SLC16A9: variants seen among roughly 807,000 people sequenced by gnomAD.
The protein encoded by SLC16A9 is monocarboxylate transporter 9.
In SLC16A9, 26 loss-of-function variants were observed where a neutral mutation model predicts 44.3. That is an observed-to-expected ratio of 0.59 (90% CI 0.43 to 0.81). The LOEUF is 0.81. SLC16A9 is among the 40% of genes least tolerant of loss of function. SLC16A9 has a pLI of 0.00. For synonymous variants in SLC16A9, 230 were observed against 225.1 expected, an observed-to-expected ratio of 1.02 and a Z score of -0.19; for missense variants, 559 against 595.8, an observed-to-expected ratio of 0.94 and a Z score of 0.64.
In SLC16A9 at chr10:59,681,755, TGTATATGATGTATATGTATATGTATATG is replaced by T. The variant is rs1840019587; in HGVS notation, c.196+2313_196+2340del. 1.8e-4 allele frequency among the ~76,000 whole-genome samples: 5 copies of T among 27,804 alleles called. 2 individuals are homozygous for T. The highest frequency in any genetic ancestry group is 5.0e-4 in the African/African-American group (5 of 9,982). The allele number at this position is 27,804 out of a possible 152,430, so 18.2% of individuals were successfully genotyped here. A position where few individuals can be genotyped will look rare whatever the true frequency, so the allele number is the denominator to read the frequency against. ...TATATGTATATGATGTATATGTATATGTATATGATGTATATGTATATGTATATGATGTATATGTATATGTATATGTATA... is the reference window on the plus strand; with the variant it reads ...TATATGTATATGATGTATATGTATATATGTATATGTATATGTATATGTATA... On this transcript the variant is annotated intron_variant, in intron 2 of 5. Transcript: ENST00000395348.
rs188544487 is a variant in SLC16A9, at chr10:59,705,083, C to T, written c.-37+4396G>A. 3.9e-5 allele frequency among the ~76,000 whole-genome samples: 6 copies of T among 152,182 alleles called. No individual in the cohort carries two copies. The East Asian group carries it at 9.6e-4, about 24-fold the overall frequency. On this transcript the variant is annotated intron_variant, in intron 1 of 5. Transcript: ENST00000395348. The stretch of plus-strand genomic sequence containing the variant: ...TTCACATCTTGTGCCATCACTGTTG[C>T]TAACATTTTTTTTCGTCCCACATCC...
At chr10:59,688,134 C>T (rs966775207) in intron 1 of SLC16A9, among the ~76,000 whole-genome samples, 1 of 152,192 alleles carries the variant, frequency 6.6e-6, no homozygotes, top group African/African-American at 2.4e-5. Flanking sequence ...GGTTTACTGT[C>T]AGGTGCAACA....
intron 2 of SLC16A9, among the ~76,000 whole-genome samples, 163 bp from the exon 3 acceptor site, chr10:59,673,076 T>A (rs983954070): frequency 1.3e-5 from 2 of 152,244 alleles, no homozygotes; most frequent in Non-Finnish European, 2.9e-5. Context: ...CATCTCATTT[T>A]AATCTTACTG....
chr10:59,653,405 G>A (rs929939384), intron 5 of SLC16A9, among the ~76,000 whole-genome samples: 7 of 66,530 alleles, frequency 1.1e-4, no homozygotes. Context: ...CAGCCTGGGC[G>A]ACAGTGCAAA....
intron 4 of SLC16A9, among the ~76,000 whole-genome samples, chr10:59,662,584 A>C (rs2132421274): frequency 7.5e-6 from 1 of 134,134 alleles, no homozygotes. Context: ...CAGTGAGCTG[A>C]GATTGCGCCA....
chr10:59,689,207 T>A (rs898268849), intron 1 of SLC16A9, among the ~76,000 whole-genome samples: 7 of 152,154 alleles, frequency 4.6e-5, no homozygotes, highest in African/African-American at 1.7e-4. Context: ...TACCATTGAG[T>A]GATTTCCTGT....
rs1839203939 is a variant in SLC16A9 at position 59,651,753 on chromosome 10, A to C, written c.*1019T>G. 8.2e-6 allele frequency: 1 copy of C among 121,644 alleles called. No individual in the cohort carries two copies. Among genetic ancestry groups the C allele is most frequent in the Non-Finnish European group, 1.8e-5 (1 of 57,122 alleles). 7.5% of individuals were successfully genotyped at this position (121,644 alleles called of 1,614,324 possible). ...ATTCCCATATCCCATGCAGACTTAG[A>C]GCATGCATAGCACACACACACACAC... On this transcript the variant is annotated 3_prime_UTR_variant, in exon 6 of 6. Coordinates refer to ENST00000395348, the MANE Select transcript of SLC16A9 (RefSeq NM_194298.3).
At chr10:59,689,116 A>G (rs547925681) in intron 1 of SLC16A9, among the ~76,000 whole-genome samples, 5 of 152,308 alleles carry the variant, frequency 3.3e-5, no homozygotes, top group Admixed American at 2.0e-4. Flanking sequence ...GCAAGTTTTT[A>G]TAGCGATGAC....
At chr10:59,673,497 C>A (rs1421041649) in intron 2 of SLC16A9, among the ~76,000 whole-genome samples, 1 of 152,166 alleles carries the variant, frequency 6.6e-6, no homozygotes, top group Non-Finnish European at 1.5e-5. Flanking sequence ...TTTAGCCCAA[C>A]AGTCTCATTT....
chr10:59,681,790 ATG>A (rs1564706076), intron 2 of SLC16A9, among the ~76,000 whole-genome samples: 1 of 18,916 alleles, frequency 5.3e-5, no homozygotes, highest in Non-Finnish European at 1.4e-4. Flanking sequence ...TATGATGTAT[ATG>A]TATATGTATA....
intron 3 of SLC16A9, 132 bp from the exon 4 acceptor site, chr10:59,664,454 T>C (rs950359680): frequency 4.0e-6 from 2 of 503,338 alleles, no homozygotes; most frequent in African/African-American, 2.0e-5. Flanking sequence ...TACAGACTCC[T>C]AGATTCCTTC....
At chr10:59,683,407 C>A (rs1430142185) in intron 2 of SLC16A9, among the ~76,000 whole-genome samples, 1 of 152,180 alleles carries the variant, frequency 6.6e-6, no homozygotes, top group Non-Finnish European at 1.5e-5. Flanking sequence ...ACTATTACAT[C>A]ATATGTAACT....
Position 59,653,578 on chromosome 10 carries a change from T to C in SLC16A9, c.1351+97A>G, listed in dbSNP as rs10466046. The C allele has an allele frequency of 7.6e-3, 7,777 of 1,029,190 alleles. 346 individuals carry two copies. The African/African-American group carries it at 0.1, about 14-fold the overall frequency. 63.8% of individuals were successfully genotyped at this position (1,029,190 alleles called of 1,614,324 possible). A position where few individuals can be genotyped will look rare whatever the true frequency, so the allele number is the denominator to read the frequency against. The stretch of plus-strand genomic sequence containing the variant: ...AGATGTTCCATGCAGATTTCTTTTG[T>C]ACAAATCTGTGCTACTATTACAATC... On this transcript the variant is annotated intron_variant, in intron 5 of 5. Coordinates refer to ENST00000395348, the MANE Select transcript of SLC16A9 (RefSeq NM_194298.3).
Position 59,652,584 on chromosome 10 carries a change from G to C in SLC16A9, c.*188C>G, listed in dbSNP as rs1588956003. 8.2e-6 allele frequency: 4 copies of C among 488,052 alleles called. No homozygotes were observed. In the East Asian group the frequency reaches 1.4e-4, roughly 17 times the overall value. The allele number at this position is 488,052 out of a possible 1,614,324, so 30.2% of individuals were successfully genotyped here. A position where few individuals can be genotyped will look rare whatever the true frequency, so the allele number is the denominator to read the frequency against. ...GGAGGAGAAATAGAAAAAAATACGA[G>C]ATAGAGGCTACGCATACACTACATA... On this transcript the variant is annotated 3_prime_UTR_variant, in exon 6 of 6. Transcript: ENST00000395348.
intron 1 of SLC16A9, among the ~76,000 whole-genome samples, chr10:59,702,187 G>T (rs1840538956): frequency 6.6e-6 from 1 of 152,130 alleles, no homozygotes; most frequent in Non-Finnish European, 1.5e-5. Context: ...AGGCATTGTG[G>T]GGTGAAGGAG....
chr10:59,698,413 T>C (rs1341717596), intron 1 of SLC16A9, among the ~76,000 whole-genome samples: 2 of 152,194 alleles, frequency 1.3e-5, no homozygotes, highest in Non-Finnish European at 2.9e-5. Context: ...CACTTTAACG[T>C]GGCAAATCCC....
intron 4 of SLC16A9, among the ~76,000 whole-genome samples, chr10:59,662,646 A>AAAAAAAAGG (rs1839506701): frequency 6.8e-6 from 1 of 147,868 alleles, no homozygotes; most frequent in African/African-American, 2.5e-5. Context: ...AAAAAAAAAA[A>AAAAAAAAGG]AAAAAAAGAA....
chr10:59,653,439 A>AAAAAAAAAAAAAAAAAAAAAAAAAAAC (rs1485550295), intron 5 of SLC16A9, among the ~76,000 whole-genome samples: 3 of 149,958 alleles, frequency 2.0e-5, no homozygotes, highest in Admixed American at 6.6e-5. Flanking sequence ...AAAAAAAAAA[A>AAAAAAAAAAAAAAAAAAAAAAAAAAAC]AAAAAAGCAG....
chr10:59,672,576 G>A (rs1839774040), intron 3 of SLC16A9, among the ~76,000 whole-genome samples, 194 bp downstream of exon 3: 1 of 152,172 alleles, frequency 6.6e-6, no homozygotes, highest in South Asian at 2.1e-4. Context: ...TGGATTGTTT[G>A]TTCTTTCAAA....
Sources: allele counts gnomAD v4.1 joint callset (sites outside exome capture counted in the v4.1 genomes callset), GRCh38; gene constraint gnomAD v4.1.1; transcripts MANE v1.5; gene names NCBI Gene and HGNC (gene_info 2026-07-23, HGNC 2026-07-21).